The following GNAI2 variants were observed in gnomAD, a reference collection of about 807,000 sequenced individuals.
GNAI2 encodes guanine nucleotide-binding protein G(i) subunit alpha-2.
A neutral mutation model predicts 36.8 loss-of-function variants in GNAI2; 4 were observed. That is an observed-to-expected ratio of 0.11 (90% CI 0.05 to 0.25). The LOEUF is 0.25. Among genes scored for constraint, GNAI2 ranks in the 10% least tolerant of loss-of-function variants. GNAI2 has a pLI of 1.00. For synonymous variants in GNAI2, 194 were observed against 194.1 expected (o/e 1.00, Z 0.01); for missense variants, 230 against 481.3 (o/e 0.48, Z 4.89).
chr3:50,252,006 T>C lies in GNAI2; in HGVS notation c.119-94T>C, dbSNP rs1214308699. 8 of 1,275,950 alleles carry C rather than the reference T, an allele frequency of 6.3e-6. No individual in the cohort carries two copies. The African/African-American group carries it at 1.0e-4, about 16-fold the overall frequency. 79.0% of individuals were successfully genotyped at this position (1,275,950 alleles called of 1,614,324 possible). On this transcript the variant is annotated intron_variant, in intron 1 of 8. Coordinates refer to ENST00000313601, the MANE Select transcript of GNAI2 (RefSeq NM_002070.4). This position sits in a 1 kb window ranked among gnomAD's most constrained non-coding sequence, Gnocchi z 4.1. ...CGGTGCAGCTGGTGGGAAGGTTAGT[T>C]CTGCCTCCTGGGCTACAGGTGTCTG...
chr3:50,242,266 G>A lies in GNAI2; in HGVS notation c.118+5813G>A, dbSNP rs868917109. Among the ~76,000 whole-genome samples the A allele has an allele frequency of 6.6e-6, 1 of 152,068 alleles. No individual in the cohort carries two copies. Among genetic ancestry groups the A allele is most frequent in the African/African-American group, 2.4e-5 (1 of 41,410 alleles). ...CTGAGTGCTGCCTCCCCTACATCCC[G>A]TTGTGCTGTGGGGGGAGGCAGGACC... On this transcript the variant is annotated intron_variant, in intron 1 of 8. Transcript: ENST00000313601. This position sits in a 1 kb window ranked among gnomAD's most constrained non-coding sequence, Gnocchi z 4.8.
rs77889711 is a variant in GNAI2 at position 50,231,036 on chromosome 3, A to G, written c.-39+38A>G. On this transcript the variant is annotated intron_variant, in intron 1 of 8. Transcript: ENST00000266027. Reference sequence around the variant, plus strand: ...AGCTCTCAGCCTTAATTTTCTCGCTAGCCCTTCCCCAGACCCCTGCCTCTC... The same window carrying G: ...AGCTCTCAGCCTTAATTTTCTCGCTGGCCCTTCCCCAGACCCCTGCCTCTC... 3.8e-3 allele frequency: 3,125 copies of G among 812,766 alleles called. 81 individuals carry two copies. In the African/African-American group the frequency reaches 0.054, roughly 14 times the overall value. 50.3% of individuals were successfully genotyped at this position (812,766 alleles called of 1,614,324 possible). A position where few individuals can be genotyped will look rare whatever the true frequency, so the allele number is the denominator to read the frequency against.
upstream of GNAI2, among the ~76,000 whole-genome samples, chr3:50,231,646 G>A (rs1267872575): frequency 6.6e-6 from 1 of 152,214 alleles, no homozygotes; most frequent in Non-Finnish European, 1.5e-5. Context: ...ATGAGTGGGA[G>A]AGACCCACGA....
chr3:50,252,000 G>C, intron 1 of GNAI2, 100 bp from the exon 2 acceptor site: 4 of 1,202,052 alleles, frequency 3.3e-6, no homozygotes, highest in Non-Finnish European at 4.8e-6. Flanking sequence ...TGGTGGGAAG[G>C]TTAGTTCTGC....
At chr3:50,257,768 GC>G in intron 8 of GNAI2, 54 bp downstream of exon 8, 1 of 582,130 alleles carries the variant, frequency 1.7e-6, no homozygotes, top group African/African-American at 2.1e-5. Context: ...CGGGCCTGGA[GC>G]CCCAGCAGGG....
chr3:50,256,044 CAAAAAAAAAAAAAAAAAA>C, intron 4 of GNAI2, 130 bp from the exon 5 acceptor site: 1 of 142,326 alleles, frequency 7.0e-6, no homozygotes, highest in South Asian at 4.1e-5. Context: ...CACTCTGTCT[CAAAAAAAAAAAAAAAAAA>C]AAAAAAAAAA....
chr3:50,237,906 C>G (rs966409440), intron 1 of GNAI2, among the ~76,000 whole-genome samples: 3 of 152,222 alleles, frequency 2.0e-5, no homozygotes, highest in Non-Finnish European at 2.9e-5. Context: ...CGTGCTGGAC[C>G]TGTGGCCGAG....
At position 50,252,248 on chromosome 3, in the gene GNAI2, C is replaced by G. The variant is rs1467242064; in HGVS notation, c.161+106C>G. ...AGGCCCAGCCAGTCTTAGCCAGGCC[C>G]AGAATCTTCTGAGAAGCAGAAGGAC... On this transcript the variant is annotated intron_variant, in intron 2 of 8. Transcript: ENST00000313601. This position sits in a 1 kb window ranked among gnomAD's most constrained non-coding sequence, Gnocchi z 4.1. 2.2e-5 allele frequency: 31 copies of G among 1,427,366 alleles called. No homozygotes were observed. Among genetic ancestry groups the G allele is most frequent in the Non-Finnish European group, 2.9e-5 (30 of 1,017,540 alleles). The allele number at this position is 1,427,366 out of a possible 1,614,324, so 88.4% of individuals were successfully genotyped here. A position where few individuals can be genotyped will look rare whatever the true frequency, so the allele number is the denominator to read the frequency against.
Position 50,236,263 on chromosome 3 carries a change from T to A in GNAI2, c.-73T>A. 8.2e-7 allele frequency: 1 copy of A among 1,217,074 alleles called. No individual in the cohort carries two copies. Among genetic ancestry groups the A allele is most frequent in the Non-Finnish European group, 1.0e-6 (1 of 977,824 alleles). The allele number at this position is 1,217,074 out of a possible 1,614,324, so 75.4% of individuals were successfully genotyped here. A position where few individuals can be genotyped will look rare whatever the true frequency, so the allele number is the denominator to read the frequency against. ...CAGAGGGCTGGTGGTGGGAGCGGAG[T>A]GGGTCGGGCGGGGCCGAGCCGGGCC... On this transcript the variant is annotated 5_prime_UTR_variant, in exon 1 of 9. Coordinates refer to ENST00000313601, the MANE Select transcript of GNAI2 (RefSeq NM_002070.4). This position sits in a 1 kb window ranked among gnomAD's most constrained non-coding sequence, Gnocchi z 4.0.
chr3:50,231,411 C>T (rs1451793829), upstream of GNAI2, among the ~76,000 whole-genome samples: 2 of 152,152 alleles, frequency 1.3e-5, no homozygotes, highest in Non-Finnish European at 2.9e-5. Context: ...CGCAAGTAGC[C>T]GGGATTACAG....
chr3:50,254,553 C>G (rs1361502612), intron 4 of GNAI2, among the ~76,000 whole-genome samples: 4 of 152,172 alleles, frequency 2.6e-5, no homozygotes, highest in African/African-American at 4.8e-5. Flanking sequence ...ATATGTACCC[C>G]CTACAGGAGC....
At position 50,238,765 on chromosome 3, in the gene GNAI2, C is replaced by T. The variant is rs1390996139; in HGVS notation, c.118+2312C>T. Among the ~76,000 whole-genome samples the T allele has an allele frequency of 2.6e-5, 4 of 152,256 alleles. No homozygotes were observed. The highest frequency in any genetic ancestry group is 2.6e-4 in the Admixed American group (4 of 15,288). On this transcript the variant is annotated intron_variant, in intron 1 of 8. Transcript: ENST00000313601. This position sits in a 1 kb window ranked among gnomAD's most constrained non-coding sequence, Gnocchi z 5.0. ...TGGCTTGAGCCATGCCTTTCCCATC[C>T]AGGTGCAAGGTGGTGATGGGAGCCC...
At chr3:50,230,868 GA>G in exon 1 of GNAI2, 1 of 985,404 alleles carries the variant, frequency 1.0e-6, no homozygotes, top group Non-Finnish European at 1.2e-6. Flanking sequence ...CCCCCAAAAT[GA>G]ACTCTCCTGA....
At position 50,238,715 on chromosome 3, in the gene GNAI2, G is replaced by C. The variant is rs2109184801; in HGVS notation, c.118+2262G>C. 6.6e-6 allele frequency among the ~76,000 whole-genome samples: 1 copy of C among 152,340 alleles called. No homozygotes were observed. Among genetic ancestry groups the C allele is most frequent in the East Asian group, 1.9e-4 (1 of 5,178 alleles). On this transcript the variant is annotated intron_variant, in intron 1 of 8. Transcript: ENST00000313601. This position sits in a 1 kb window ranked among gnomAD's most constrained non-coding sequence, Gnocchi z 5.0. ...CTGCTTGATATTGATGACCCAGTCT[G>C]CCATGGCTGCCTGGGGAGGGATCCT...
chr3:50,250,599 C>T (rs1700531330), intron 1 of GNAI2, among the ~76,000 whole-genome samples: 1 of 152,182 alleles, frequency 6.6e-6, no homozygotes, highest in Admixed American at 6.5e-5. Flanking sequence ...CAGGGCCCAG[C>T]TGGGGGCCAT....
rs782220114 is a variant in GNAI2, at chr3:50,256,709, A to T, written c.594-14A>T. ...AGGCTCCCTTCCTGGAACTAAGGTG[A>T]TCTATATCTGCAGGATGTTTGATGT... On this transcript the variant is annotated splice_polypyrimidine_tract_variant and intron_variant, in intron 5 of 8. Transcript: ENST00000313601. 6.2e-7 allele frequency: 1 copy of T among 1,613,552 alleles called. No homozygotes were observed. Among genetic ancestry groups the T allele is most frequent in the Non-Finnish European group, 8.5e-7 (1 of 1,179,504 alleles).
rs587734658 is a variant in GNAI2, at chr3:50,253,426, T to C, written c.464+242T>C. On this transcript the variant is annotated intron_variant, in intron 4 of 8. Coordinates refer to ENST00000313601, the MANE Select transcript of GNAI2 (RefSeq NM_002070.4). The surrounding 1 kb of genome is among the most constrained non-coding windows in gnomAD (Gnocchi z 4.2). ...GTACATCTCTTCCAGGCCAGTTGAGTCTGATCTGTCTTGACAGTCTTCTAA... is the reference window on the plus strand; with the variant it reads ...GTACATCTCTTCCAGGCCAGTTGAGCCTGATCTGTCTTGACAGTCTTCTAA... 9.9e-5 allele frequency among the ~76,000 whole-genome samples: 15 copies of C among 152,150 alleles called. No homozygotes were observed. Among genetic ancestry groups the C allele is most frequent in the Non-Finnish European group, 1.6e-4 (11 of 67,990 alleles).
chr3:50,233,322 T>C (rs1205357353), upstream of GNAI2, among the ~76,000 whole-genome samples: 2 of 152,190 alleles, frequency 1.3e-5, no homozygotes, highest in Non-Finnish European at 2.9e-5. Flanking sequence ...GATTGGGGTC[T>C]GTGTTGCGCC....
upstream of GNAI2, among the ~76,000 whole-genome samples, chr3:50,233,935 GC>G (rs1168830925): frequency 2.4e-5 from 3 of 125,760 alleles, no homozygotes; most frequent in African/African-American, 9.2e-5. Context: ...CTGCTCTGTT[GC>G]CCAGGGTAGA....
Sources: allele counts gnomAD v4.1 joint callset (sites outside exome capture counted in the v4.1 genomes callset), GRCh38; gene constraint gnomAD v4.1.1; non-coding constraint Gnocchi (gnomAD v3.1); transcripts MANE v1.5; gene names NCBI Gene and HGNC (gene_info 2026-07-23, HGNC 2026-07-21).